Variants in NDFIP1 observed in about 807,000 individuals in gnomAD.
NDFIP1 encodes the protein Nedd4 family interacting protein 1.
A neutral mutation model predicts 28.8 loss-of-function variants in NDFIP1; 7 were observed. The observed-to-expected ratio is 0.24, with a 90% CI of 0.14 to 0.46. NDFIP1 has a LOEUF of 0.46. NDFIP1 is among the 20% of genes least tolerant of loss of function. The pLI is 0.99. For synonymous variants in NDFIP1, 92 were observed against 101.0 expected (o/e 0.91, Z 0.53); for missense variants, 194 against 269.1 (o/e 0.72, Z 1.95).
chr5:142,140,995 A>G (rs1256153481), intron 6 of NDFIP1, among the ~76,000 whole-genome samples: 5 of 152,108 alleles, frequency 3.3e-5, no homozygotes, highest in Non-Finnish European at 7.4e-5. Flanking sequence ...TACTGCAGCC[A>G]GTTGAACTAA....
intron 1 of NDFIP1, among the ~76,000 whole-genome samples, chr5:142,122,889 C>G (rs150822072): frequency 6.6e-6 from 1 of 152,052 alleles, no homozygotes; most frequent in East Asian, 1.9e-4. Context: ...TATATCCTCC[C>G]GCTCTTTGGA....
chr5:142,131,513 G>A (rs1757226925), intron 1 of NDFIP1, among the ~76,000 whole-genome samples: 1 of 152,116 alleles, frequency 6.6e-6, no homozygotes, highest in South Asian at 2.1e-4. Context: ...TTTAATGGCC[G>A]TTTAGTAGTC....
In NDFIP1 at chr5:142,140,736, A is replaced by G; in HGVS notation, c.562+107A>G. On this transcript the variant is annotated intron_variant, in intron 6 of 7. Coordinates refer to ENST00000253814, the MANE Select transcript of NDFIP1 (RefSeq NM_030571.4). ...CTTGATTACTGTATAGTAATATATTAACAATTAATAATAAACATTTTTAAA... is the reference window on the plus strand; with the variant it reads ...CTTGATTACTGTATAGTAATATATTGACAATTAATAATAAACATTTTTAAA... 4 of 783,814 alleles carry G rather than the reference A, an allele frequency of 5.1e-6. No individual in the cohort carries two copies. In the East Asian group the frequency reaches 1.2e-4, roughly 23 times the overall value. 48.6% of individuals were successfully genotyped at this position (783,814 alleles called of 1,614,324 possible). A position where few individuals can be genotyped will look rare whatever the true frequency, so the allele number is the denominator to read the frequency against.
intron 7 of NDFIP1, among the ~76,000 whole-genome samples, chr5:142,149,434 C>CTTTTTTTTTTTTTTTTTTTTT (rs10684292): frequency 8.7e-6 from 1 of 114,710 alleles, no homozygotes; most frequent in Non-Finnish European, 1.7e-5. Context: ...TATTGGATTC[C>CTTTTTTTTTTTTTTTTTTTTT]TTTTTTTTTT....
chr5:142,110,985 A>G (rs144683904), intron 1 of NDFIP1, among the ~76,000 whole-genome samples: 106 of 152,208 alleles, frequency 7.0e-4, no homozygotes, highest in African/African-American at 2.5e-3. Flanking sequence ...AAGGATATAC[A>G]CACACTCACC....
rs1757267665 is a variant in NDFIP1 at position 142,135,631 on chromosome 5, C to A, written c.283-99C>A. ...TTAATGCTCATAATTTTGAACTGAA[C>A]CAAAGCAATAACTTTTTTCCTTGCT... On this transcript the variant is annotated intron_variant, in intron 3 of 7. Coordinates refer to ENST00000253814, the MANE Select transcript of NDFIP1 (RefSeq NM_030571.4). 14 of 1,006,946 alleles carry A rather than the reference C, an allele frequency of 1.4e-5. 1 individual carries two copies. In the South Asian group the frequency reaches 1.8e-4, roughly 13 times the overall value. 62.4% of individuals were successfully genotyped at this position (1,006,946 alleles called of 1,614,324 possible). A position where few individuals can be genotyped will look rare whatever the true frequency, so the allele number is the denominator to read the frequency against.
rs376031703 is a variant in NDFIP1 at position 142,144,698 on chromosome 5, C to A, written c.*2+22C>A. On this transcript the variant is annotated intron_variant, in intron 7 of 7. Coordinates refer to ENST00000253814, the MANE Select transcript of NDFIP1 (RefSeq NM_030571.4). ...AAAGGTATTAAAGAAAAAATTTATT[C>A]TAGTCCCAGTGTAACCATGTGCTAC... 6.3e-6 allele frequency: 9 copies of A among 1,437,362 alleles called. No individual in the cohort carries two copies. The South Asian group carries it at 7.1e-5, about 11-fold the overall frequency. The allele number at this position is 1,437,362 out of a possible 1,614,324, so 89.0% of individuals were successfully genotyped here. A position where few individuals can be genotyped will look rare whatever the true frequency, so the allele number is the denominator to read the frequency against.
rs249637 is a variant in NDFIP1, at chr5:142,152,170, C to T, written c.*442C>T. 0.94 allele frequency: 143,180 copies of T among 152,850 alleles called. 67,127 individuals carry two copies. Among genetic ancestry groups the T allele is most frequent in the East Asian group, 1 (5,309 of 5,326 alleles). The allele number at this position is 152,850 out of a possible 1,614,324, so 9.5% of individuals were successfully genotyped here. A position where few individuals can be genotyped will look rare whatever the true frequency, so the allele number is the denominator to read the frequency against. ...GGTTTTCTCAAAAGTTAAACTTTTG[C>T]TATGACTGTGTTTTTGCACATAATC... On this transcript the variant is annotated 3_prime_UTR_variant, in exon 8 of 8. Coordinates refer to ENST00000253814, the MANE Select transcript of NDFIP1 (RefSeq NM_030571.4).
At chr5:142,122,657 G>A (rs1757132479) in intron 1 of NDFIP1, among the ~76,000 whole-genome samples, 2 of 151,934 alleles carry the variant, frequency 1.3e-5, no homozygotes, top group Non-Finnish European at 2.9e-5. Context: ...AACAACATTT[G>A]GTATTTTCTG....
At chr5:142,141,466 A>G (rs936516169) in intron 6 of NDFIP1, among the ~76,000 whole-genome samples, 14 of 151,812 alleles carry the variant, frequency 9.2e-5, no homozygotes, top group South Asian at 6.2e-4. Context: ...CTGAGCCACC[A>G]TGCCTGGCCT....
chr5:142,141,399 A>G (rs1258703763), intron 6 of NDFIP1, among the ~76,000 whole-genome samples: 1 of 151,686 alleles, frequency 6.6e-6, no homozygotes, highest in Admixed American at 6.6e-5. Flanking sequence ...GATGGTCTCG[A>G]TCTCCTGACT....
intron 6 of NDFIP1, chr5:142,143,102 G>A (rs1230236139): frequency 6.6e-6 from 1 of 151,608 alleles, no homozygotes; most frequent in Non-Finnish European, 1.5e-5. Flanking sequence ...CAAGCTGGCT[G>A]CTCTTGAGCT....
intron 1 of NDFIP1, among the ~76,000 whole-genome samples, chr5:142,129,001 T>C (rs962160068): frequency 6.6e-6 from 1 of 152,198 alleles, no homozygotes; most frequent in Admixed American, 6.5e-5. Context: ...ATTTCTGTAT[T>C]TCTTAGAATT....
chr5:142,131,465 G>A (rs1302172107), intron 1 of NDFIP1, among the ~76,000 whole-genome samples: 1 of 152,122 alleles, frequency 6.6e-6, no homozygotes, highest in Non-Finnish European at 1.5e-5. Context: ...AGTAGAGATT[G>A]GGTTTTGCCA....
At chr5:142,146,201 T>C (rs1311251467) in intron 7 of NDFIP1, among the ~76,000 whole-genome samples, 3 of 149,138 alleles carry the variant, frequency 2.0e-5, no homozygotes, top group Non-Finnish European at 3.0e-5. Flanking sequence ...AGTTTCATTA[T>C]TAAAAAAACT....
chr5:142,147,111 A>T (rs1757396968), intron 7 of NDFIP1, among the ~76,000 whole-genome samples: 1 of 152,158 alleles, frequency 6.6e-6, no homozygotes, highest in Non-Finnish European at 1.5e-5. Context: ...TTTCTATTTA[A>T]CTGTGATACC....
At chr5:142,114,130 A>T (rs1000276532) in intron 1 of NDFIP1, among the ~76,000 whole-genome samples, 2 of 152,146 alleles carry the variant, frequency 1.3e-5, no homozygotes, top group African/African-American at 4.8e-5. Context: ...AAACTCCCAT[A>T]CTGTTTTCCA....
intron 1 of NDFIP1, among the ~76,000 whole-genome samples, chr5:142,110,098 C>G (rs1366565024): frequency 6.1e-5 from 5 of 81,348 alleles, no homozygotes; most frequent in African/African-American, 3.1e-4. Context: ...TAGATTAACC[C>G]TGGTGCGGCC....
intron 3 of NDFIP1, 27 bp downstream of exon 3, chr5:142,132,369 A>G (rs368883119): frequency 3.7e-6 from 6 of 1,600,696 alleles, no homozygotes; most frequent in East Asian, 2.2e-5. Flanking sequence ...ATGTTACTTG[A>G]TGGCTGCTCT....
Sources: allele counts gnomAD v4.1 joint callset (sites outside exome capture counted in the v4.1 genomes callset), GRCh38; gene constraint gnomAD v4.1.1; transcripts MANE v1.5; gene names NCBI Gene and HGNC (gene_info 2026-07-23, HGNC 2026-07-21).